Variants in SVIL observed in about 807,000 individuals in gnomAD.
The protein encoded by SVIL is archvillin.
Under a neutral mutation model 240.4 loss-of-function variants are expected in SVIL, and 101 were observed. The observed-to-expected ratio is 0.42, with a 90% CI of 0.36 to 0.50. The LOEUF (loss-of-function observed/expected upper bound fraction) is 0.50, where lower values mean the gene tolerates loss of function less well. Among genes scored for constraint, SVIL ranks in the 20% least tolerant of loss-of-function variants. The pLI is 0.01. For missense variants in SVIL, 2,512 were observed against 2,818.7 expected, an observed-to-expected ratio of 0.89 and a Z score of 2.46; for synonymous variants, 999 against 1,100.0, an observed-to-expected ratio of 0.91 and a Z score of 1.82.
chr10:29,693,403 G>T (rs950083644), intron 1 of SVIL, among the ~76,000 whole-genome samples: 8 of 152,178 alleles, frequency 5.3e-5, no homozygotes, highest in African/African-American at 1.9e-4. Flanking sequence ...CCCCTTCACA[G>T]GCACGCATAC....
intron 1 of SVIL, among the ~76,000 whole-genome samples, chr10:29,692,489 A>C (rs1961585091): frequency 6.6e-6 from 1 of 152,168 alleles, no homozygotes; most frequent in African/African-American, 2.4e-5. Flanking sequence ...ATCAGTGTCA[A>C]GCACTCATTA....
Position 29,551,236 on chromosome 10 carries a change from G to T in SVIL, c.188C>A (p.Ser63Tyr), listed in dbSNP as rs1401193135. 3 of 1,604,010 alleles carry T rather than the reference G, an allele frequency of 1.9e-6. No individual in the cohort carries two copies. The highest frequency in any genetic ancestry group is 4.5e-5 in the East Asian group (2 of 44,752). ...IGRSNEEEET[S>Y]DSSLEKQTRS... ...AGTTTGCTTTTCTAGAGAAGAATCA[G>T]AAGTTTCCTCCTCTTCATTTGATCG... Residue 63 changes from serine (S) to tyrosine (Y), a missense_variant, in exon 6 of 38, where the codon TCT becomes TAT. Transcript: ENST00000355867.
At chr10:29,562,760 C>CAAAAA (rs1954607632) in intron 3 of SVIL, among the ~76,000 whole-genome samples, 1 of 61,438 alleles carries the variant, frequency 1.6e-5, no homozygotes. Context: ...GACTCCGTCT[C>CAAAAA]AAAAAAAAGA....
chr10:29,585,100 T>TTTA (rs1956112477), intron 1 of SVIL, among the ~76,000 whole-genome samples: 1 of 150,878 alleles, frequency 6.6e-6, no homozygotes, highest in Non-Finnish European at 1.5e-5. Flanking sequence ...TTTTTTTTTT[T>TTTA]GAGACAGGTT....
rs28451028 is a variant in SVIL, at chr10:29,484,722, G to T, written c.4889C>A (p.Thr1630Asn). Residue 1630 changes from threonine (T) to asparagine (N), a missense_variant, in exon 27 of 38, where the codon ACC becomes AAC. Transcript: ENST00000355867. This position sits in a 1 kb window ranked among gnomAD's most constrained non-coding sequence, Gnocchi z 4.7. ...GATGTCACAGTTCTCATAGTCAAAG[G>T]TTCCATTCCATAAGTGCTTTGCCAG... ...FQLAKHLWNG[T>N]FDYENCDINP... 6.8e-6 allele frequency: 11 copies of T among 1,613,872 alleles called. No individual in the cohort carries two copies. The African/African-American group carries it at 1.1e-4, about 16-fold the overall frequency.
chr10:29,577,070 G>A (rs908390954), intron 1 of SVIL, among the ~76,000 whole-genome samples: 3 of 151,948 alleles, frequency 2.0e-5, no homozygotes, highest in Admixed American at 2.0e-4. Context: ...TAGTAGAGAC[G>A]GGTTTTCACC....
In SVIL at chr10:29,512,035, C is replaced by A. The variant is rs542880574; in HGVS notation, c.3516+700G>T. ...CACCGGTGCATCATTTCGCCTCCAG[C>A]CAGAAGGTGCATTTGCAATTGTAGG... On this transcript the variant is annotated intron_variant, in intron 17 of 37. Coordinates refer to ENST00000355867, the MANE Select transcript of SVIL (RefSeq NM_021738.3). 3.3e-5 allele frequency among the ~76,000 whole-genome samples: 5 copies of A among 152,304 alleles called. No individual in the cohort carries two copies. The East Asian group carries it at 9.6e-4, about 29-fold the overall frequency.
chr10:29,542,151 A>G (rs1312458169), intron 6 of SVIL, among the ~76,000 whole-genome samples: 1 of 152,226 alleles, frequency 6.6e-6, no homozygotes, highest in Admixed American at 6.5e-5. Context: ...CGAGTGTCTC[A>G]TAGTTGTGTG....
intron 17 of SVIL, among the ~76,000 whole-genome samples, chr10:29,504,436 C>T (rs766393785): frequency 6.6e-6 from 1 of 152,074 alleles, no homozygotes; most frequent in Non-Finnish European, 1.5e-5. Flanking sequence ...TTGCAAAAGA[C>T]ATATCTGATA....
chr10:29,604,862 C>A (rs1049596059), intron 1 of SVIL, among the ~76,000 whole-genome samples: 4 of 152,126 alleles, frequency 2.6e-5, no homozygotes, highest in African/African-American at 9.7e-5. Flanking sequence ...AGCCACTGCA[C>A]CTGGCCTAAT....
intron 5 of SVIL, 113 bp downstream of exon 5, chr10:29,554,670 A>G: frequency 1.8e-5 from 24 of 1,313,754 alleles, no homozygotes; most frequent in East Asian, 2.7e-5. Context: ...AATTATATCC[A>G]CACAATTCAC....
At chr10:29,651,154 A>G (rs1958821661) in intron 3 of SVIL, among the ~76,000 whole-genome samples, 1 of 152,056 alleles carries the variant, frequency 6.6e-6, no homozygotes, top group South Asian at 2.1e-4. Flanking sequence ...AACCCTGCCT[A>G]CAAGTTAGCA....
At position 29,467,743 on chromosome 10, in the gene SVIL, T is replaced by G; in HGVS notation, c.5976A>C (p.Gln1992His). 2 of 1,614,068 alleles carry G rather than the reference T, an allele frequency of 1.2e-6. No homozygotes were observed. The highest frequency in any genetic ancestry group is 8.5e-7 in the Non-Finnish European group (1 of 1,179,972). Residue 1992 changes from glutamine to histidine, a missense_variant and splice_region_variant, in exon 33 of 38, where the codon CAA becomes CAC. By Grantham distance (24) the Gln-to-His change is conservative (BLOSUM62 0). Transcript: ENST00000355867. ...CGCAGACTGTGGATGCCACATTACC[T>G]TGAAGCATGCAATCGTAGGCTTTCC... is the stretch of plus-strand genomic sequence containing the variant. ...RDRKAYDCML[Q>H]DPGSFNFAPR... is the part of the protein sequence containing the mutation.
rs372260767 is a variant in SVIL, at chr10:29,606,898, C to G, written c.-201+27522G>C. Among the ~76,000 whole-genome samples the G allele has an allele frequency of 9.2e-5, 14 of 152,192 alleles. No individual in the cohort carries two copies. In the East Asian group the frequency reaches 2.5e-3, roughly 27 times the overall value. On this transcript the variant is annotated intron_variant, in intron 1 of 37. Transcript: ENST00000355867. ...GCCTCCCAAGCAGCTGGGATTACAGCCACGTGCCACCACACCCGGCTAATT... is the reference window on the plus strand; with the variant it reads ...GCCTCCCAAGCAGCTGGGATTACAGGCACGTGCCACCACACCCGGCTAATT...
rs577255293 is a variant in SVIL at position 29,479,100 on chromosome 10, G to A, written c.5377+1437C>T. Among the ~76,000 whole-genome samples, 4 of 152,148 alleles carry A rather than the reference G, an allele frequency of 2.6e-5. No homozygotes were observed. In the East Asian group the frequency reaches 5.8e-4, roughly 22 times the overall value. On this transcript the variant is annotated intron_variant, in intron 29 of 37. Transcript: ENST00000355867. ...GCCCCTGAAGTTTGGTGTGTTCAGCGGCCCAACCTCAAGTCGCCTTGCTGC... is the reference window on the plus strand; with the variant it reads ...GCCCCTGAAGTTTGGTGTGTTCAGCAGCCCAACCTCAAGTCGCCTTGCTGC...
chr10:29,572,213 C>T (rs1955456167), intron 1 of SVIL, among the ~76,000 whole-genome samples: 2 of 152,080 alleles, frequency 1.3e-5, no homozygotes, highest in African/African-American at 4.8e-5. Context: ...GGTACATCAA[C>T]CCTGGGTACT....
chr10:29,545,062 G>A (rs1254681942), intron 6 of SVIL: 1 of 534,614 alleles, frequency 1.9e-6, no homozygotes, highest in Non-Finnish European at 3.8e-6. Flanking sequence ...GCCTGCTAGT[G>A]GACACGAGAG....
intron 35 of SVIL, among the ~76,000 whole-genome samples, chr10:29,462,939 AT>A (rs1343388305): frequency 1.9e-4 from 28 of 149,668 alleles, no homozygotes; most frequent in African/African-American, 5.9e-4. Context: ...AATAAGATTA[AT>A]TACTGGCATT....
intron 30 of SVIL, among the ~76,000 whole-genome samples, chr10:29,472,758 C>T (rs1394305457): frequency 2.6e-5 from 4 of 151,440 alleles, no homozygotes; most frequent in African/African-American, 2.4e-5. Flanking sequence ...CTCCCAGGCA[C>T]GATGCAGGCC....
Sources: allele counts gnomAD v4.1 joint callset (sites outside exome capture counted in the v4.1 genomes callset), GRCh38; gene constraint gnomAD v4.1.1; non-coding constraint Gnocchi (gnomAD v3.1); transcripts MANE v1.5; gene names NCBI Gene and HGNC (gene_info 2026-07-23, HGNC 2026-07-21).